Variants in RAPGEF1 observed in about 807,000 individuals in gnomAD.
RAPGEF1 encodes CRK SH3-binding GNRP.
A neutral mutation model predicts 143.3 loss-of-function variants in RAPGEF1; 33 were observed. That is an observed-to-expected ratio of 0.23 (90% CI 0.17 to 0.31). The LOEUF is 0.31. Ranked by LOEUF, RAPGEF1 falls within the 10% of genes least tolerant of loss-of-function variation. The pLI is 1.00. For missense variants in RAPGEF1, 1,199 were observed against 1,645.4 expected (o/e 0.73, Z 4.69); for synonymous variants, 629 against 676.5 (o/e 0.93, Z 1.09).
At chr9:131,605,637 C>A (rs1195318627) in intron 12 of RAPGEF1, among the ~76,000 whole-genome samples, 1 of 152,206 alleles carries the variant, frequency 6.6e-6, no homozygotes, top group Admixed American at 6.5e-5. Context: ...ACATTGAAAT[C>A]CACCTTGAAT....
At position 131,621,025 on chromosome 9, in the gene RAPGEF1, G is replaced by T. The variant is rs1418844096; in HGVS notation, c.1905+771C>A. ...CCTGGGGAGCATGGCTGGACAAGAG[G>T]CTCAGATCTTCAAACCTGACTAGGG... On this transcript the variant is annotated intron_variant, in intron 11 of 26. Coordinates refer to ENST00000683357, the MANE Select transcript of RAPGEF1 (RefSeq NM_001377935.1). This position sits in a 1 kb window ranked among gnomAD's most constrained non-coding sequence, Gnocchi z 4.5. 6.6e-6 allele frequency among the ~76,000 whole-genome samples: 1 copy of T among 152,196 alleles called. No homozygotes were observed. The highest frequency in any genetic ancestry group is 1.5e-5 in the Non-Finnish European group (1 of 68,028).
In RAPGEF1 at chr9:131,620,794, G is replaced by T. The variant is rs532737717; in HGVS notation, c.1905+1002C>A. Among the ~76,000 whole-genome samples the T allele has an allele frequency of 3.8e-4, 58 of 152,352 alleles. No homozygotes were observed. In the South Asian group the frequency reaches 0.012, roughly 31 times the overall value. The stretch of plus-strand genomic sequence containing the variant: ...AGCCCCAGGTGATTGATTATACGGA[G>T]TAATCCAGGGACATTTGTCCTCCAG... On this transcript the variant is annotated intron_variant, in intron 11 of 26. Transcript: ENST00000683357.
At chr9:131,677,764 A>G (rs1832541961) in intron 1 of RAPGEF1, among the ~76,000 whole-genome samples, 1 of 152,250 alleles carries the variant, frequency 6.6e-6, no homozygotes, top group Admixed American at 6.5e-5. Flanking sequence ...CTGCTCAAGC[A>G]GACCAGGGAA....
intron 12 of RAPGEF1, among the ~76,000 whole-genome samples, chr9:131,611,773 A>G (rs1223572090): frequency 1.3e-5 from 2 of 152,242 alleles, no homozygotes; most frequent in Non-Finnish European, 2.9e-5. Context: ...TCAGAACATG[A>G]AGGAGAAATA....
At chr9:131,715,076 C>T (rs1255572276) in intron 1 of RAPGEF1, among the ~76,000 whole-genome samples, 1 of 152,028 alleles carries the variant, frequency 6.6e-6, no homozygotes, top group Non-Finnish European at 1.5e-5. Flanking sequence ...AAGGCCACCA[C>T]GTGTCGAATG....
At chr9:131,665,633 A>G (rs564629690) in intron 1 of RAPGEF1, among the ~76,000 whole-genome samples, 1 of 151,970 alleles carries the variant, frequency 6.6e-6, no homozygotes, top group African/African-American at 2.4e-5. Context: ...GCACCCAACC[A>G]TGTGCCGCCC....
chr9:131,711,806 T>C (rs1030728848), intron 1 of RAPGEF1, among the ~76,000 whole-genome samples: 1 of 152,164 alleles, frequency 6.6e-6, no homozygotes, highest in Non-Finnish European at 1.5e-5. Flanking sequence ...ACCGGAGTAA[T>C]ATTTGGGACA....
At chr9:131,615,265 G>A (rs1056628773) in intron 12 of RAPGEF1, among the ~76,000 whole-genome samples, 7 of 152,170 alleles carry the variant, frequency 4.6e-5, no homozygotes, top group African/African-American at 1.4e-4. Context: ...CAGTAGAGCC[G>A]GGGTTTCACC....
rs975347730 is a variant in RAPGEF1, at chr9:131,583,493, G to C, written c.3415-791C>G. ...CCCCCAGGTGGCCTGGCTGACGCTC[G>C]GGTTCCTGACATGACCTCTGGGTGG... On this transcript the variant is annotated intron_variant, in intron 24 of 26. Coordinates refer to ENST00000683357, the MANE Select transcript of RAPGEF1 (RefSeq NM_001377935.1). The surrounding 1 kb of genome is among the most constrained non-coding windows in gnomAD (Gnocchi z 4.7). Among the ~76,000 whole-genome samples, 1 of 150,466 alleles carries C rather than the reference G, an allele frequency of 6.6e-6. No homozygotes were observed. The highest frequency in any genetic ancestry group is 1.5e-5 in the Non-Finnish European group (1 of 67,618).
rs190989207 is a variant in RAPGEF1, at chr9:131,628,592, C to T, written c.974G>A (p.Arg325Gln). Residue 325 changes from arginine (R) to glutamine (Q), a missense_variant, in exon 8 of 27, where the codon CGA (arginine) becomes CAA (glutamine). Transcript: ENST00000683357. This position sits in a 1 kb window ranked among gnomAD's most constrained non-coding sequence, Gnocchi z 5.7. Reference protein sequence around the residue: ...TRVAVVAPMSRATSGSSLPVG... With the variant: ...TRVAVVAPMSQATSGSSLPVG... ...AGGCAAACTGGAGCCACTGGTGGCTCGGCTCATGGGGGCCACCACAGCCAC... is the reference window on the plus strand; with the variant it reads ...AGGCAAACTGGAGCCACTGGTGGCTTGGCTCATGGGGGCCACCACAGCCAC... 8.7e-6 allele frequency: 14 copies of T among 1,613,006 alleles called. No homozygotes were observed. The East Asian group carries it at 8.9e-5, about 10-fold the overall frequency.
At chr9:131,654,173 T>C (rs1423880829) in intron 1 of RAPGEF1, among the ~76,000 whole-genome samples, 1 of 152,122 alleles carries the variant, frequency 6.6e-6, no homozygotes, top group Non-Finnish European at 1.5e-5. Context: ...TTTTTTCTCC[T>C]GGTGTACAAA....
intron 25 of RAPGEF1, among the ~76,000 whole-genome samples, chr9:131,582,277 C>T (rs971817704): frequency 1.3e-5 from 2 of 152,186 alleles, no homozygotes; most frequent in African/African-American, 4.8e-5. Context: ...ACATCTGTCA[C>T]AAGCATGGCT....
intron 1 of RAPGEF1, among the ~76,000 whole-genome samples, chr9:131,687,336 G>A (rs534856700): frequency 6.0e-4 from 91 of 152,136 alleles, no homozygotes; most frequent in Admixed American, 3.7e-3. Context: ...GACTACAAGC[G>A]TGCACCACCA....
intron 1 of RAPGEF1, among the ~76,000 whole-genome samples, chr9:131,734,978 G>A (rs1339068496): frequency 1.3e-5 from 2 of 152,214 alleles, no homozygotes; most frequent in East Asian, 3.8e-4. Context: ...GCTGGCAGGA[G>A]GGTCTGGTAA....
intron 14 of RAPGEF1, among the ~76,000 whole-genome samples, chr9:131,602,500 C>T (rs577505014): frequency 1.3e-5 from 2 of 152,278 alleles, no homozygotes; most frequent in African/African-American, 4.8e-5. Context: ...CATTTGACTT[C>T]GTCAGTGAGC....
chr9:131,694,829 G>A (rs1280343802), intron 1 of RAPGEF1, among the ~76,000 whole-genome samples: 1 of 146,596 alleles, frequency 6.8e-6, no homozygotes, highest in Non-Finnish European at 1.5e-5. Context: ...TTAAGTTTTA[G>A]GGTACATGTG....
intron 1 of RAPGEF1, among the ~76,000 whole-genome samples, chr9:131,696,295 C>T (rs577851121): frequency 2.0e-5 from 3 of 152,320 alleles, no homozygotes; most frequent in Non-Finnish European, 4.4e-5. Context: ...AGAAGACATA[C>T]CACAGTCTGC....
intron 6 of RAPGEF1, among the ~76,000 whole-genome samples, chr9:131,630,007 T>C (rs4740174): frequency 0.87 from 131,753 of 151,970 alleles, 57,314 homozygotes; most frequent in African/African-American, 0.93. Flanking sequence ...TGTCACTGGA[T>C]GCGCTCACAG....
intron 9 of RAPGEF1, among the ~76,000 whole-genome samples, chr9:131,627,066 T>C (rs1379943544): frequency 6.6e-6 from 1 of 151,640 alleles, no homozygotes. Flanking sequence ...ACAAAAAAAT[T>C]AGCCGGGCGT....
Sources: gnomAD v4.1 joint callset for allele counts (sites outside exome capture counted in the v4.1 genomes callset) on GRCh38, gnomAD v4.1.1 for gene constraint, Gnocchi (gnomAD v3.1) non-coding constraint, MANE v1.5 for transcripts, NCBI Gene and HGNC (gene_info 2026-07-23, HGNC 2026-07-21) for gene names.